Variants in LRRC4C observed in about 807,000 individuals in gnomAD.
LRRC4C encodes the protein leucine-rich repeat-containing protein 4C.
Under a neutral mutation model 33.6 loss-of-function variants are expected in LRRC4C, and 5 were observed. That is an observed-to-expected ratio of 0.15 (90% CI 0.08 to 0.31). LRRC4C has a LOEUF of 0.31. Ranked by LOEUF, LRRC4C falls within the 10% of genes least tolerant of loss-of-function variation. The pLI, the probability that LRRC4C is intolerant of heterozygous loss-of-function variation, is 1.00. For missense variants in LRRC4C, 560 were observed against 796.7 expected, an observed-to-expected ratio of 0.70 and a Z score of 3.58; for synonymous variants, 329 against 302.0, an observed-to-expected ratio of 1.09 and a Z score of -0.93.
chr11:40,900,600 T>C (rs943744755), intron 2 of LRRC4C, among the ~76,000 whole-genome samples: 8 of 151,936 alleles, frequency 5.3e-5, no homozygotes, highest in Non-Finnish European at 8.8e-5. Flanking sequence ...TATTTCTCTG[T>C]TTCCAAAATG....
intron 2 of LRRC4C, among the ~76,000 whole-genome samples, chr11:40,711,058 G>A (rs1946438535): frequency 6.6e-6 from 1 of 152,176 alleles, no homozygotes; most frequent in South Asian, 2.1e-4. Flanking sequence ...AAAGTGCAGT[G>A]TTTAGGTGGC....
chr11:41,036,916 A>C (rs1163270035), intron 1 of LRRC4C, among the ~76,000 whole-genome samples: 1 of 152,224 alleles, frequency 6.6e-6, no homozygotes. Context: ...ATTTATGGGC[A>C]CAAAACATTT....
At chr11:40,679,264 C>A (rs1428970613) in intron 2 of LRRC4C, among the ~76,000 whole-genome samples, 4 of 151,620 alleles carry the variant, frequency 2.6e-5, no homozygotes, top group Non-Finnish European at 5.9e-5. Context: ...GTTAAAGGCA[C>A]CTTTTTTTTT....
At chr11:41,251,747 A>G (rs1464498580) in intron 1 of LRRC4C, among the ~76,000 whole-genome samples, 2 of 152,174 alleles carry the variant, frequency 1.3e-5, no homozygotes, top group Non-Finnish European at 2.9e-5. Flanking sequence ...TGGCCTTCAT[A>G]TTACCAAAGT....
intron 3 of LRRC4C, among the ~76,000 whole-genome samples, chr11:40,537,946 T>A (rs1005182943): frequency 2.6e-5 from 4 of 152,112 alleles, no homozygotes; most frequent in Non-Finnish European, 5.9e-5. Context: ...GAAAGCCGAA[T>A]CTCAAGCGTC....
At chr11:40,164,639 A>T (rs1347256487) in intron 5 of LRRC4C, among the ~76,000 whole-genome samples, 1 of 152,232 alleles carries the variant, frequency 6.6e-6, no homozygotes, top group Non-Finnish European at 1.5e-5. Flanking sequence ...TCTAATATGT[A>T]AGAGATAAGA....
At chr11:40,871,131 G>T (rs180866906) in intron 2 of LRRC4C, among the ~76,000 whole-genome samples, 130 of 152,262 alleles carry the variant, frequency 8.5e-4, no homozygotes, top group Non-Finnish European at 1.5e-3. Flanking sequence ...CCGGTTGTCT[G>T]CCTCAAACCC....
At chr11:40,393,671 C>A (rs899418342) in intron 3 of LRRC4C, among the ~76,000 whole-genome samples, 4 of 152,048 alleles carry the variant, frequency 2.6e-5, no homozygotes, top group Non-Finnish European at 5.9e-5. Flanking sequence ...ACATCATAAC[C>A]CAAGTGAAAA....
At chr11:41,039,377 G>T (rs1411409200) in intron 1 of LRRC4C, among the ~76,000 whole-genome samples, 1 of 152,016 alleles carries the variant, frequency 6.6e-6, no homozygotes, top group Non-Finnish European at 1.5e-5. Flanking sequence ...TTAAGTTCAG[G>T]GATATCAAAT....
intron 3 of LRRC4C, among the ~76,000 whole-genome samples, chr11:40,586,471 T>G (rs1040595375): frequency 1.1e-4 from 16 of 149,324 alleles, no homozygotes; most frequent in African/African-American, 4.0e-4. Context: ...AGAAGCTCTT[T>G]AGTTTAATTA....
chr11:40,465,950 A>G (rs762616308), intron 3 of LRRC4C, among the ~76,000 whole-genome samples: 1 of 152,058 alleles, frequency 6.6e-6, no homozygotes, highest in Admixed American at 6.6e-5. Context: ...AAATTGTATC[A>G]AAAAGATACT....
intron 1 of LRRC4C, among the ~76,000 whole-genome samples, chr11:41,028,891 A>G (rs935709026): frequency 2.0e-5 from 3 of 151,710 alleles, no homozygotes; most frequent in African/African-American, 2.4e-5. Context: ...TGATGTCCAT[A>G]GAGAAGGTGT....
At chr11:40,872,601 C>T (rs976987687) in intron 2 of LRRC4C, among the ~76,000 whole-genome samples, 2 of 152,044 alleles carry the variant, frequency 1.3e-5, no homozygotes, top group South Asian at 2.1e-4. Flanking sequence ...ATATCTTTCC[C>T]GGATTTGGTA....
intron 3 of LRRC4C, among the ~76,000 whole-genome samples, chr11:40,420,434 C>T (rs774569715): frequency 2.0e-5 from 3 of 152,210 alleles, no homozygotes; most frequent in Non-Finnish European, 4.4e-5. Context: ...CCTCACGTCT[C>T]TCCATCATCC....
At chr11:40,368,087 T>A (rs1948291717) in intron 3 of LRRC4C, among the ~76,000 whole-genome samples, 1 of 152,114 alleles carries the variant, frequency 6.6e-6, no homozygotes, top group Non-Finnish European at 1.5e-5. Flanking sequence ...GGGACATTGG[T>A]AAAGGTGACT....
chr11:40,309,529 T>TTTTA (rs71060950), intron 4 of LRRC4C, among the ~76,000 whole-genome samples: 2 of 151,684 alleles, frequency 1.3e-5, no homozygotes. Flanking sequence ...TTTTTTTTTT[T>TTTTA]GAGACAGTAT....
intron 2 of LRRC4C, among the ~76,000 whole-genome samples, chr11:40,809,549 G>GT (rs1482362994): frequency 2.0e-5 from 3 of 151,746 alleles, no homozygotes; most frequent in Non-Finnish European, 1.5e-5. Context: ...ACTTTTTGCT[G>GT]TAAGTAGATA....
intron 3 of LRRC4C, chr11:40,446,478 G>C (rs1951640846): frequency 6.6e-6 from 1 of 152,096 alleles, no homozygotes; most frequent in South Asian, 2.1e-4. Flanking sequence ...TGATATGTGG[G>C]TGTGTGATTG....
chr11:40,967,843 T>C (rs1426364492), intron 1 of LRRC4C, among the ~76,000 whole-genome samples: 8 of 151,672 alleles, frequency 5.3e-5, no homozygotes, highest in African/African-American at 1.9e-4. Context: ...TATATGATAA[T>C]TTAAATATTG....
Sources: allele counts gnomAD v4.1 joint callset (sites outside exome capture counted in the v4.1 genomes callset), GRCh38; gene constraint gnomAD v4.1.1; transcripts MANE v1.5; gene names NCBI Gene and HGNC (gene_info 2026-07-23, HGNC 2026-07-21).